The following ASS1 variants were observed in gnomAD, a reference collection of about 807,000 sequenced individuals.
ASS1 encodes the protein argininosuccinate synthase 1.
A neutral mutation model predicts 60.5 loss-of-function variants in ASS1; 58 were observed. That is an observed-to-expected ratio of 0.96 (90% confidence interval 0.78 to 1.19). The LOEUF is 1.19. ASS1 is among the 50% of genes most tolerant of loss of function. The pLI is 0.00. For missense variants in ASS1, 454 were observed against 547.3 expected (o/e 0.83, Z 1.70); for synonymous variants, 200 against 206.9 (o/e 0.97, Z 0.29).
chr9:130,470,716 G>A lies in ASS1; in HGVS notation c.496-118G>A. On this transcript the variant is annotated intron_variant, in intron 6 of 14. Transcript: ENST00000352480. This position sits in a 1 kb window ranked among gnomAD's most constrained non-coding sequence, Gnocchi z 4.3. ...GTGACCAACACTAGGAGGTAGCCAG[G>A]GTCTTGTCTGAATGGGGGCCAGAGT... 2 of 995,676 alleles carry A rather than the reference G, an allele frequency of 2.0e-6. No individual in the cohort carries two copies. Among genetic ancestry groups the A allele is most frequent in the South Asian group, 1.3e-5 (1 of 78,640 alleles). 61.7% of individuals were successfully genotyped at this position (995,676 alleles called of 1,614,324 possible).
At chr9:130,474,652 C>T (rs1845972230) in intron 8 of ASS1, among the ~76,000 whole-genome samples, 1 of 152,218 alleles carries the variant, frequency 6.6e-6, no homozygotes, top group Admixed American at 6.5e-5. Flanking sequence ...CGTCTGTGCC[C>T]AGGGAATGCT....
chr9:130,474,608 C>T (rs1231012035), intron 8 of ASS1, among the ~76,000 whole-genome samples: 1 of 152,164 alleles, frequency 6.6e-6, no homozygotes, highest in Non-Finnish European at 1.5e-5. Context: ...GTCCAGTTCA[C>T]TTTACCTTTT....
intron 4 of ASS1, among the ~76,000 whole-genome samples, chr9:130,462,963 C>A (rs1588479599): frequency 6.6e-6 from 1 of 152,170 alleles, no homozygotes; most frequent in South Asian, 2.1e-4. Context: ...GCTAAAAATC[C>A]CCCTGGCCCT....
intron 11 of ASS1, among the ~76,000 whole-genome samples, chr9:130,482,118 G>A (rs1846187162): frequency 6.6e-6 from 1 of 152,142 alleles, no homozygotes; most frequent in Non-Finnish European, 1.5e-5. Context: ...GCACTTTAGT[G>A]GCAGGACCAG....
chr9:130,466,973 C>A (rs898358576), intron 6 of ASS1, among the ~76,000 whole-genome samples, 174 bp downstream of exon 6: 12 of 152,254 alleles, frequency 7.9e-5, no homozygotes, highest in African/African-American at 2.4e-4. Flanking sequence ...CCTGGGCTGA[C>A]CCCACAGAGG....
chr9:130,446,490 A>G (rs1588466566), intron 1 of ASS1, among the ~76,000 whole-genome samples: 1 of 152,170 alleles, frequency 6.6e-6, no homozygotes, highest in African/African-American at 2.4e-5. Context: ...GCTGAGAAGT[A>G]ATTCTGGTTC....
At chr9:130,479,283 G>A (rs1451494003) in intron 9 of ASS1, among the ~76,000 whole-genome samples, 3 of 145,968 alleles carry the variant, frequency 2.1e-5, no homozygotes, top group South Asian at 2.1e-4. Context: ...GCAGGGGGCT[G>A]TGTGTGTGTG....
chr9:130,479,309 G>A (rs1242525251), intron 9 of ASS1, among the ~76,000 whole-genome samples: 1 of 152,144 alleles, frequency 6.6e-6, no homozygotes, highest in African/African-American at 2.4e-5. Flanking sequence ...GTGTGTGAGC[G>A]AGTATGTGTG....
At chr9:130,483,122 T>C (rs1050145964) in intron 11 of ASS1, among the ~76,000 whole-genome samples, 1 of 152,136 alleles carries the variant, frequency 6.6e-6, no homozygotes, top group Non-Finnish European at 1.5e-5. Flanking sequence ...AAATATTTCA[T>C]GTGAGAAGGA....
chr9:130,490,714 T>C (rs618504), intron 12 of ASS1, among the ~76,000 whole-genome samples: 122,850 of 152,186 alleles, frequency 0.81, 50,210 homozygotes, highest in East Asian at 0.98. Flanking sequence ...CGGTGGCTCA[T>C]GCCAGGTGAG....
At chr9:130,492,496 G>A (rs900932459) in intron 12 of ASS1, among the ~76,000 whole-genome samples, 2 of 152,138 alleles carry the variant, frequency 1.3e-5, no homozygotes, top group African/African-American at 2.4e-5. Flanking sequence ...TGTGTGGCTG[G>A]CTGGCTCCCT....
At chr9:130,480,524 T>C in intron 11 of ASS1, 75 bp downstream of exon 11, 1 of 1,507,644 alleles carries the variant, frequency 6.6e-7, no homozygotes, top group Non-Finnish European at 9.1e-7. Flanking sequence ...CCCTGTCCCC[T>C]TTGGACGCTA....
chr9:130,470,702 T>G lies in ASS1; in HGVS notation c.496-132T>G. The G allele has an allele frequency of 1.1e-6, 1 of 896,200 alleles. No homozygotes were observed. The highest frequency in any genetic ancestry group is 1.9e-6 in the Non-Finnish European group (1 of 535,948). 55.5% of individuals were successfully genotyped at this position (896,200 alleles called of 1,614,324 possible). A position where few individuals can be genotyped will look rare whatever the true frequency, so the allele number is the denominator to read the frequency against. On this transcript the variant is annotated intron_variant, in intron 6 of 14. Transcript: ENST00000352480. The surrounding 1 kb of genome is among the most constrained non-coding windows in gnomAD (Gnocchi z 4.3). ...CCAGGGAGGTGACCGTGACCAACAC[T>G]AGGAGGTAGCCAGGGTCTTGTCTGA...
intron 1 of ASS1, among the ~76,000 whole-genome samples, chr9:130,450,826 A>G (rs914983): frequency 0.72 from 109,572 of 152,176 alleles, 39,878 homozygotes; most frequent in East Asian, 0.9. Flanking sequence ...TCTGGGCTCC[A>G]CTTCCCCAGT....
At position 130,459,275 on chromosome 9, in the gene ASS1, A is replaced by G. The variant is rs1038368748; in HGVS notation, c.363+686A>G. ...GTGTCCCTTAGCGTGTGGCTGCGTC[A>G]CTCCTGTCCTTCCGTCCTCCATCTT... On this transcript the variant is annotated intron_variant, in intron 4 of 14. Coordinates refer to ENST00000352480, the MANE Select transcript of ASS1 (RefSeq NM_054012.4). This position sits in a 1 kb window ranked among gnomAD's most constrained non-coding sequence, Gnocchi z 4.6. 1.3e-5 allele frequency among the ~76,000 whole-genome samples: 2 copies of G among 151,018 alleles called. No individual in the cohort carries two copies. Among genetic ancestry groups the G allele is most frequent in the African/African-American group, 2.4e-5 (1 of 41,010 alleles).
chr9:130,471,642 C>G, intron 8 of ASS1, 127 bp downstream of exon 8: 3 of 1,169,060 alleles, frequency 2.6e-6, no homozygotes, highest in South Asian at 2.7e-5. Context: ...GGGCTGGGGC[C>G]GAGCCCTGCC....
intron 11 of ASS1, among the ~76,000 whole-genome samples, chr9:130,485,042 T>C (rs2118855029): frequency 6.6e-6 from 1 of 152,190 alleles, no homozygotes; most frequent in Admixed American, 6.5e-5. Flanking sequence ...GGGTTCTGCC[T>C]GGCCTCTGCC....
At position 130,480,435 on chromosome 9, in the gene ASS1, G is replaced by C. The variant is rs2118841789; in HGVS notation, c.824G>C (p.Gly275Ala). Reference sequence around the variant, plus strand: ...GACATCGTGGAGAACCGCTTCATTGGAATGAAGTCCCGAGGTGAGTCTGCT... The same window carrying C: ...GACATCGTGGAGAACCGCTTCATTGCAATGAAGTCCCGAGGTGAGTCTGCT... The part of the protein sequence containing the change: ...RIDIVENRFI[G>A]MKSRGIYETP... Residue 275 changes from glycine to alanine, a missense_variant, in exon 11 of 15, where the codon GGA (glycine) becomes GCA (alanine). Gly to Ala is a moderately conservative substitution (Grantham distance 60). Coordinates refer to ENST00000352480, the MANE Select transcript of ASS1 (RefSeq NM_054012.4). The C allele has an allele frequency of 5.0e-6, 8 of 1,614,110 alleles. No homozygotes were observed. The highest frequency in any genetic ancestry group is 6.8e-6 in the Non-Finnish European group (8 of 1,180,016).
Position 130,475,528 on chromosome 9 carries a change from G to A in ASS1, c.598-1343G>A, listed in dbSNP as rs372985681. Among the ~76,000 whole-genome samples the A allele has an allele frequency of 1.0e-3, 153 of 152,250 alleles. 2 individuals carry two copies. The highest frequency in any genetic ancestry group is 3.6e-3 in the African/African-American group (150 of 41,526). On this transcript the variant is annotated intron_variant, in intron 8 of 14. Transcript: ENST00000352480. ...CTCTAAAATACAATGTGTATTTGGCGAGGACCTCGCGGGGCTCCTGTCCTG... is the reference window on the plus strand; with the variant it reads ...CTCTAAAATACAATGTGTATTTGGCAAGGACCTCGCGGGGCTCCTGTCCTG...
Sources: gnomAD v4.1 joint callset for allele counts (sites outside exome capture counted in the v4.1 genomes callset) on GRCh38, gnomAD v4.1.1 for gene constraint, Gnocchi (gnomAD v3.1) non-coding constraint, MANE v1.5 for transcripts, NCBI Gene and HGNC (gene_info 2026-07-23, HGNC 2026-07-21) for gene names.